RGR: variants seen among roughly 807,000 people sequenced by gnomAD.
RGR encodes the protein RPE-retinal G protein-coupled receptor.
A neutral mutation model predicts 28.6 loss-of-function variants in RGR; 30 were observed. The ratio of observed to expected loss-of-function variants is 1.05; its 90% CI spans 0.78 to 1.42. The LOEUF (loss-of-function observed/expected upper bound fraction) is 1.42. Among genes scored for constraint, RGR ranks in the 40% most tolerant of loss-of-function variants. RGR has a pLI of 0.00. For missense variants in RGR, 404 were observed against 375.6 expected (o/e 1.08, Z -0.62); for synonymous variants, 180 against 156.4 (o/e 1.15, Z -1.13).
chr10:84,257,443 C>G (rs1238107467), intron 5 of RGR, among the ~76,000 whole-genome samples: 3 of 152,136 alleles, frequency 2.0e-5, no homozygotes, highest in Non-Finnish European at 2.9e-5. Context: ...TCTTAAAGAG[C>G]ACAGACGCAG....
chr10:84,253,765 G>C (rs556748964), intron 4 of RGR, among the ~76,000 whole-genome samples: 2 of 152,196 alleles, frequency 1.3e-5, no homozygotes, highest in Non-Finnish European at 2.9e-5. Flanking sequence ...TCCCCAGCCA[G>C]GGTCCAGTCC....
intron 6 of RGR, 32 bp downstream of exon 6, chr10:84,258,038 C>A: frequency 6.5e-7 from 1 of 1,527,878 alleles, no homozygotes; most frequent in Non-Finnish European, 9.1e-7. Flanking sequence ...AAAACTAGAC[C>A]CCTCTCCATC....
At chr10:84,248,112 T>C in intron 2 of RGR, 1 of 640,490 alleles carries the variant, frequency 1.6e-6, no homozygotes, top group South Asian at 1.9e-5. Context: ...TTTACTTCTA[T>C]TATGTGTAAA....
chr10:84,254,805 C>T (rs1161713088), intron 5 of RGR, among the ~76,000 whole-genome samples: 1 of 152,172 alleles, frequency 6.6e-6, no homozygotes, highest in Non-Finnish European at 1.5e-5. Flanking sequence ...ATCTTAAGTA[C>T]ATGCATGATA....
At position 84,258,460 on chromosome 10, in the gene RGR, G is replaced by A. The variant is rs535526264; in HGVS notation, c.745-48G>A. ...GGGTCACCAGGTGAGACCAGAGAGA[G>A]GATCAGTGGCTTTGAAGCTTCTTTT... On this transcript the variant is annotated intron_variant, in intron 6 of 6. Coordinates refer to ENST00000652092, the MANE Select transcript of RGR (RefSeq NM_001012720.2). The A allele has an allele frequency of 3.6e-5, 58 of 1,613,880 alleles. No homozygotes were observed. The South Asian group carries it at 5.7e-4, about 16-fold the overall frequency.
intron 6 of RGR, among the ~76,000 whole-genome samples, chr10:84,258,302 G>T (rs1435801191): frequency 6.6e-6 from 1 of 152,114 alleles, no homozygotes; most frequent in African/African-American, 2.4e-5. Context: ...TAGTCCCCAG[G>T]CTGGGAGCAG....
intron 5 of RGR, among the ~76,000 whole-genome samples, chr10:84,255,614 A>G (rs1245908738): frequency 6.6e-6 from 1 of 151,916 alleles, no homozygotes; most frequent in Non-Finnish European, 1.5e-5. Flanking sequence ...GGTCACCTGG[A>G]TGACCTCTAG....
chr10:84,254,155 C>T (rs1045689667), intron 4 of RGR, among the ~76,000 whole-genome samples, 171 bp from the exon 5 acceptor site: 3 of 152,194 alleles, frequency 2.0e-5, no homozygotes, highest in African/African-American at 7.2e-5. Flanking sequence ...CCTTGTAGCT[C>T]CCTGGCTCCT....
intron 5 of RGR, among the ~76,000 whole-genome samples, chr10:84,256,747 T>C (rs1036771620): frequency 1.3e-4 from 20 of 152,100 alleles, no homozygotes; most frequent in Non-Finnish European, 2.5e-4. Context: ...AAAGTTCACA[T>C]TTACTGGAGG....
rs1165003238 is a variant in RGR, at chr10:84,252,906, G to A, written c.408G>A (p.Trp136Ter). ...CCGTCTCTCTGGTGCTCTTCGTGTG[G>A]CTGTCTTCTGCCTTCTGGGCAGCTC... is the stretch of plus-strand genomic sequence containing the variant. ...NSAVSLVLFV[W>*]LSSAFWAALP... The change falls in exon 4 of 7, where the codon TGG (tryptophan) becomes TGA (stop). Residue 136 changes from tryptophan to a stop codon, truncating the protein, a stop_gained. Coordinates refer to ENST00000652092, the MANE Select transcript of RGR (RefSeq NM_001012720.2). LOFTEE classifies it high-confidence loss of function. The A allele has an allele frequency of 6.2e-7, 1 of 1,613,950 alleles. No individual in the cohort carries two copies. Among genetic ancestry groups the A allele is most frequent in the African/African-American group, 1.3e-5 (1 of 74,908 alleles).
In RGR at chr10:84,252,995, A is replaced by T. The variant is rs1394208604; in HGVS notation, c.497A>T (p.Tyr166Phe). 1 of 1,612,976 alleles carries T rather than the reference A, an allele frequency of 6.2e-7. No homozygotes were observed. The highest frequency in any genetic ancestry group is 8.5e-7 in the Non-Finnish European group (1 of 1,179,924). The change falls in exon 4 of 7, where the codon TAC becomes TTC. Residue 166 changes from tyrosine (Y) to phenylalanine (F), a missense_variant. Tyr to Phe is a conservative substitution (Grantham distance 22). Coordinates refer to ENST00000652092, the MANE Select transcript of RGR (RefSeq NM_001012720.2). ...EPLGTCCTLDYSKGDRNFTSF... is the reference protein window; with the variant it reads ...EPLGTCCTLDFSKGDRNFTSF... ...CTGGGGACATGCTGCACCCTGGACTACTCCAAGGGGGACAGGTGAGGTGGG... is the reference window on the plus strand; with the variant it reads ...CTGGGGACATGCTGCACCCTGGACTTCTCCAAGGGGGACAGGTGAGGTGGG...
rs1842838427 is a variant in RGR at position 84,252,987 on chromosome 10, C to A, written c.489C>A (p.Thr163=). ...ATGAGCCACTGGGGACATGCTGCACCCTGGACTACTCCAAGGGGGACAGGT... is the reference window on the plus strand; with the variant it reads ...ATGAGCCACTGGGGACATGCTGCACACTGGACTACTCCAAGGGGGACAGGT... The part of the protein sequence containing the change: ...YDYEPLGTCC[T]LDYSKGDRNF... The change falls in exon 4 of 7, where the codon ACC becomes ACA. Residue 163 remains threonine (T), a synonymous_variant. Transcript: ENST00000652092. 6.2e-7 allele frequency: 1 copy of A among 1,613,682 alleles called. No individual in the cohort carries two copies. Among genetic ancestry groups the A allele is most frequent in the South Asian group, 1.1e-5 (1 of 91,074 alleles).
rs1564547285 is a variant in RGR at position 84,245,164 on chromosome 10, T to A, written c.74T>A (p.Val25Glu). The change falls in exon 1 of 7, where the codon GTG (valine) becomes GAG (glutamate). Residue 25 changes from valine to glutamate, a missense_variant. Physicochemically the swap from Val to Glu is moderately radical, Grantham distance 121. Transcript: ENST00000652092. ...CTGGCTGTGGGGATGGTGCTACTGG[T>A]GGAAGGTGAGCCAGGCAGAACCTGG... ...EVLAVGMVLLVEALSGLSLNT... is the reference protein window; with the variant it reads ...EVLAVGMVLLEEALSGLSLNT... The A allele has an allele frequency of 2.5e-6, 4 of 1,612,068 alleles. No homozygotes were observed. The Admixed American group carries it at 5.0e-5, about 20-fold the overall frequency.
intron 3 of RGR, among the ~76,000 whole-genome samples, chr10:84,251,332 G>T (rs748461767): frequency 4.6e-5 from 7 of 152,182 alleles, no homozygotes; most frequent in Non-Finnish European, 1.0e-4. Flanking sequence ...GTTGGGATGG[G>T]AGGTGTCTTA....
At chr10:84,256,072 T>C (rs1842883154) in intron 5 of RGR, among the ~76,000 whole-genome samples, 1 of 109,366 alleles carries the variant, frequency 9.1e-6, no homozygotes, top group Non-Finnish European at 2.0e-5. Context: ...TTTTTTTTTT[T>C]TTTTTTTTTT....
chr10:84,256,059 CTTTTTTTTTTT>C (rs61441525), intron 5 of RGR, among the ~76,000 whole-genome samples: 5 of 54,358 alleles, frequency 9.2e-5, no homozygotes, highest in East Asian at 6.1e-4. Flanking sequence ...TTTTTCCTTT[CTTTTTTTTTTT>C]TTTTTTTTTT....
chr10:84,258,170 T>A (rs1221804702), intron 6 of RGR, among the ~76,000 whole-genome samples, 164 bp downstream of exon 6: 1 of 152,026 alleles, frequency 6.6e-6, no homozygotes, highest in African/African-American at 2.4e-5. Flanking sequence ...GCCCCCCTAA[T>A]CCCCCACCTC....
chr10:84,258,619 GAGAAGGAC>G lies in RGR; in HGVS notation c.857_864del (p.Glu286AlafsTer65). 1 of 1,614,184 alleles carries G rather than the reference GAGAAGGAC, an allele frequency of 6.2e-7. No homozygotes were observed. On this transcript the variant is annotated frameshift_variant, in exon 7 of 7. Coordinates refer to ENST00000652092, the MANE Select transcript of RGR (RefSeq NM_001012720.2). LOFTEE classifies it high-confidence loss of function. ...GCAGTGCCTCTCACCGCAGAAGAGG[GAGAAGGAC>G]CGAACCAAGTGAGCCTGCCACCCTG...
rs528132092 is a variant in RGR at position 84,247,480 on chromosome 10, T to C, written c.80-111T>C. Reference sequence around the variant, plus strand: ...GAAGCATGCTACCCTATATTGATTGTCTTCCTTGTCTGTCCAGGAGGTTGC... The same window carrying C: ...GAAGCATGCTACCCTATATTGATTGCCTTCCTTGTCTGTCCAGGAGGTTGC... On this transcript the variant is annotated intron_variant, in intron 1 of 6. Transcript: ENST00000652092. The C allele has an allele frequency of 2.5e-5, 32 of 1,267,970 alleles. No individual in the cohort carries two copies. In the East Asian group the frequency reaches 6.2e-4, roughly 25 times the overall value. The allele number at this position is 1,267,970 out of a possible 1,614,324, so 78.5% of individuals were successfully genotyped here. A position where few individuals can be genotyped will look rare whatever the true frequency, so the allele number is the denominator to read the frequency against.
Sources: gnomAD v4.1 joint callset for allele counts (sites outside exome capture counted in the v4.1 genomes callset) on GRCh38, gnomAD v4.1.1 for gene constraint, MANE v1.5 for transcripts, NCBI Gene and HGNC (gene_info 2026-07-23, HGNC 2026-07-21) for gene names.